Variants in MYO3B observed in about 807,000 individuals in gnomAD.
MYO3B encodes the protein myosin IIIB, also known as myosin-IIIb.
In MYO3B, 156 loss-of-function variants were observed where a neutral mutation model predicts 174.6. That is an observed-to-expected ratio of 0.89 (90% CI 0.78 to 1.02). The LOEUF (loss-of-function observed/expected upper bound fraction) is 1.02. MYO3B is among the 50% of genes least tolerant of loss of function. The probability of loss-of-function intolerance (pLI) is 0.00; values close to 1 mark genes in which losing one functional copy is unlikely to be tolerated. For missense variants in MYO3B, 1,632 were observed against 1,639.4 expected (o/e 1.00, Z 0.08); for synonymous variants, 563 against 569.1 (o/e 0.99, Z 0.15).
chr2:170,406,155 T>TC (rs1379936778), intron 21 of MYO3B, among the ~76,000 whole-genome samples: 95 of 152,194 alleles, frequency 6.2e-4, no homozygotes, highest in Non-Finnish European at 1.0e-3. Flanking sequence ...CAGTCTCAAT[T>TC]TCAAGTTCCT....
At chr2:170,246,325 A>G (rs2093188831) in intron 7 of MYO3B, among the ~76,000 whole-genome samples, 1 of 152,220 alleles carries the variant, frequency 6.6e-6, no homozygotes, top group African/African-American at 2.4e-5. Context: ...ATTCTAGCAG[A>G]ATAGCCAGTG....
Position 170,501,880 on chromosome 2 carries a change from A to AT in MYO3B, c.3370+19dup. 1 of 1,530,266 alleles carries AT rather than the reference A, an allele frequency of 6.5e-7. No homozygotes were observed. The highest frequency in any genetic ancestry group is 9.0e-7 in the Non-Finnish European group (1 of 1,105,892). The allele number at this position is 1,530,266 out of a possible 1,614,324, so 94.8% of individuals were successfully genotyped here. On this transcript the variant is annotated intron_variant, in intron 28 of 34. Transcript: ENST00000408978. ...TAATCAAGCAGGTAATTAAAACATC[A>AT]TTTTCACAGTGTCCACTTGAAAATA...
rs543990390 is a variant in MYO3B at position 170,552,257 on chromosome 2, G to A, written c.3733+8269G>A. ...TTTGGAGGGATCAGAAGACAGGAAG[G>A]TGAGGGAAAGTTTGGAACTTCCTAG... On this transcript the variant is annotated intron_variant, in intron 32 of 34. Transcript: ENST00000408978. Among the ~76,000 whole-genome samples the A allele has an allele frequency of 2.0e-5, 3 of 152,324 alleles. No homozygotes were observed. In the East Asian group the frequency reaches 5.8e-4, roughly 29 times the overall value.
At chr2:170,449,510 G>T (rs567604196) in intron 23 of MYO3B, among the ~76,000 whole-genome samples, 1 of 152,316 alleles carries the variant, frequency 6.6e-6, no homozygotes, top group South Asian at 2.1e-4. Flanking sequence ...GAACACAGTG[G>T]CTCATGCCTG....
intron 32 of MYO3B, among the ~76,000 whole-genome samples, chr2:170,578,492 A>G (rs6741612): frequency 0.4 from 60,764 of 152,162 alleles, 12,629 homozygotes; most frequent in Admixed American, 0.45. Flanking sequence ...GGTGTTGGAA[A>G]CTTAGTGTAC....
chr2:170,597,722 C>T (rs544587873), intron 32 of MYO3B, among the ~76,000 whole-genome samples: 4 of 152,100 alleles, frequency 2.6e-5, no homozygotes, highest in Non-Finnish European at 5.9e-5. Context: ...ATCCTCAAGG[C>T]GAATGAATCT....
intron 6 of MYO3B, among the ~76,000 whole-genome samples, chr2:170,224,898 C>A (rs759360336): frequency 1.3e-5 from 2 of 152,156 alleles, no homozygotes; most frequent in East Asian, 3.8e-4. Context: ...GCAGAAATAT[C>A]GCAAGCTTTT....
chr2:170,368,784 G>A (rs1035727412), intron 8 of MYO3B, among the ~76,000 whole-genome samples: 4 of 152,052 alleles, frequency 2.6e-5, no homozygotes, highest in Non-Finnish European at 4.4e-5. Flanking sequence ...TTTCCCTGCC[G>A]GTAAACAAGG....
chr2:170,307,543 T>A (rs774320740), intron 7 of MYO3B, among the ~76,000 whole-genome samples: 6 of 152,184 alleles, frequency 3.9e-5, no homozygotes, highest in Non-Finnish European at 8.8e-5. Flanking sequence ...TCTATTTTAG[T>A]GTAGATTCCC....
At chr2:170,416,559 A>G (rs2094580336) in intron 22 of MYO3B, among the ~76,000 whole-genome samples, 2 of 149,578 alleles carry the variant, frequency 1.3e-5, no homozygotes, top group Non-Finnish European at 3.0e-5. Context: ...CAACTAGATC[A>G]TGTCATTCCT....
intron 32 of MYO3B, among the ~76,000 whole-genome samples, chr2:170,629,947 G>A (rs1473339113): frequency 3.9e-5 from 6 of 152,130 alleles, no homozygotes; most frequent in African/African-American, 1.2e-4. Flanking sequence ...ATTCCAAGAC[G>A]GCCAAATAGG....
chr2:170,355,338 A>G (rs2094112095), intron 8 of MYO3B, among the ~76,000 whole-genome samples: 1 of 152,248 alleles, frequency 6.6e-6, no homozygotes, highest in South Asian at 2.1e-4. Context: ...TGATGTTCAC[A>G]TAATTGGCAG....
At chr2:170,301,973 A>C (rs566243271) in intron 7 of MYO3B, among the ~76,000 whole-genome samples, 1 of 141,070 alleles carries the variant, frequency 7.1e-6, no homozygotes, top group Non-Finnish European at 1.5e-5. Context: ...TTAAAGCCTT[A>C]TTGGAAAATT....
At chr2:170,534,758 A>C (rs1297587954) in intron 30 of MYO3B, among the ~76,000 whole-genome samples, 1 of 152,160 alleles carries the variant, frequency 6.6e-6, no homozygotes, top group Non-Finnish European at 1.5e-5. Flanking sequence ...CCTGTATTTT[A>C]TCTAACAACT....
chr2:170,649,254 TAATATATAATATATTATATATAAA>T (rs1698754718), intron 32 of MYO3B, among the ~76,000 whole-genome samples: 2 of 75,126 alleles, frequency 2.7e-5, no homozygotes, highest in African/African-American at 1.4e-4. Flanking sequence ...ATATATAAAA[TAATATATAATATATTATATATAAA>T]ATAATATATA....
chr2:170,645,468 C>CAAAA (rs55720994), intron 32 of MYO3B, among the ~76,000 whole-genome samples: 1 of 66,392 alleles, frequency 1.5e-5, no homozygotes. Flanking sequence ...GGCTCCGTCT[C>CAAAA]AAAAAAAAAA....
At chr2:170,632,078 A>C (rs905895560) in intron 32 of MYO3B, among the ~76,000 whole-genome samples, 4 of 151,084 alleles carry the variant, frequency 2.6e-5, no homozygotes, top group African/African-American at 7.4e-5. Context: ...GATCAACGAG[A>C]CAGAAGATTA....
intron 32 of MYO3B, among the ~76,000 whole-genome samples, chr2:170,547,235 C>T (rs960473725): frequency 3.3e-5 from 5 of 149,670 alleles, no homozygotes; most frequent in African/African-American, 9.8e-5. Flanking sequence ...GAGGCTGAGG[C>T]GGGAGAATGG....
chr2:170,503,698 C>T (rs1276648673), intron 28 of MYO3B, among the ~76,000 whole-genome samples: 2 of 151,786 alleles, frequency 1.3e-5, no homozygotes, highest in Admixed American at 6.6e-5. Flanking sequence ...CTTAGCCTTG[C>T]AGCCAAAGTG....
Sources: allele counts gnomAD v4.1 joint callset (sites outside exome capture counted in the v4.1 genomes callset), GRCh38; gene constraint gnomAD v4.1.1; transcripts MANE v1.5; gene names NCBI Gene and HGNC (gene_info 2026-07-23, HGNC 2026-07-21).